SOX9: variants seen among roughly 807,000 people sequenced by gnomAD.
SOX9 encodes the protein SRY-box transcription factor 9, also known as transcription factor SOX-9.
In SOX9, 2 loss-of-function variants were observed where a neutral mutation model predicts 44.8. The observed-to-expected ratio is 0.04, with a 90% CI of 0.02 to 0.14. SOX9 has a LOEUF of 0.14. Among genes scored for constraint, SOX9 ranks in the 10% least tolerant of loss-of-function variants. The probability of loss-of-function intolerance (pLI) is 1.00; values close to 1 mark genes in which losing one functional copy is unlikely to be tolerated. For synonymous variants in SOX9, 381 were observed against 331.8 expected, an observed-to-expected ratio of 1.15 and a Z score of -1.61; for missense variants, 583 against 728.6, an observed-to-expected ratio of 0.80 and a Z score of 2.30.
Position 72,122,890 on chromosome 17 carries a change from C to T in SOX9, c.603C>T (p.Asn201=), listed in dbSNP as rs1195650946. Residue 201 remains asparagine, a synonymous_variant, in exon 2 of 3, where the codon AAC becomes AAT. Transcript: ENST00000245479. ...CGGAGCAGACGCACATCTCCCCCAACGCCATCTTCAAGGCGCTGCAGGCCG... is the reference window on the plus strand; with the variant it reads ...CGGAGCAGACGCACATCTCCCCCAATGCCATCTTCAAGGCGCTGCAGGCCG... ...EATEQTHISP[N]AIFKALQADS... is the part of the protein sequence containing the mutation. 13 of 1,614,066 alleles carry T rather than the reference C, an allele frequency of 8.1e-6. No individual in the cohort carries two copies. In the South Asian group the frequency reaches 1.2e-4, roughly 15 times the overall value.
rs571340416 is a variant in SOX9 at position 72,125,069 on chromosome 17, G to C, written c.*682G>C. The C allele has an allele frequency of 4.4e-6, 1 of 225,736 alleles. No homozygotes were observed. Among genetic ancestry groups the C allele is most frequent in the Non-Finnish European group, 8.8e-6 (1 of 113,240 alleles). 14.0% of individuals were successfully genotyped at this position (225,736 alleles called of 1,614,324 possible). A position where few individuals can be genotyped will look rare whatever the true frequency, so the allele number is the denominator to read the frequency against. On this transcript the variant is annotated 3_prime_UTR_variant, in exon 3 of 3. Transcript: ENST00000245479. The stretch of plus-strand genomic sequence containing the variant: ...GAATTGTGTTATGTGATCAGTTTTG[G>C]GGGTTAACTTTGCTTAATTCCTCAG...
At position 72,121,257 on chromosome 17, in the gene SOX9, G is replaced by A. The variant is rs1908077288; in HGVS notation, c.-135G>A. 1 of 792,178 alleles carries A rather than the reference G, an allele frequency of 1.3e-6. No individual in the cohort carries two copies. The highest frequency in any genetic ancestry group is 2.0e-6 in the Non-Finnish European group (1 of 493,418). 49.1% of individuals were successfully genotyped at this position (792,178 alleles called of 1,614,324 possible). On this transcript the variant is annotated 5_prime_UTR_variant, in exon 1 of 3. Transcript: ENST00000245479. The surrounding 1 kb of genome is among the most constrained non-coding windows in gnomAD (Gnocchi z 8.3). ...TAAGTGCTCGCCGCGGTAGCCGGCC[G>A]ACGCGCCAGCTTCCCCGGGAGCCGC...
rs1057518216 is a variant in SOX9 at position 72,124,037 on chromosome 17, C to T, written c.1180C>T (p.Arg394Ter). Reference sequence around the variant, plus strand: ...GAGCAGCGAGCCGGGCCAGTCCCAGCGAACGCACATCAAGACGGAGCAGCT... The same window carrying T: ...GAGCAGCGAGCCGGGCCAGTCCCAGTGAACGCACATCAAGACGGAGCAGCT... The part of the protein sequence containing the change: ...TLSSEPGQSQ[R>*]THIKTEQLSP... Residue 394 changes from arginine (R) to a stop codon, truncating the protein, a stop_gained, in exon 3 of 3, where the codon CGA (arginine) becomes TGA (stop). Transcript: ENST00000245479. LOFTEE classifies it high-confidence loss of function. The surrounding 1 kb of genome is among the most constrained non-coding windows in gnomAD (Gnocchi z 4.6). 1 of 1,610,394 alleles carries T rather than the reference C, an allele frequency of 6.2e-7. No homozygotes were observed. The highest frequency in any genetic ancestry group is 2.2e-5 in the East Asian group (1 of 44,808).
rs1412757423 is a variant in SOX9 at position 72,121,439 on chromosome 17, G to A, written c.48G>A (p.Lys16=). 10 of 1,612,798 alleles carry A rather than the reference G, an allele frequency of 6.2e-6. No individual in the cohort carries two copies. In the Admixed American group the frequency reaches 1.7e-4, roughly 27 times the overall value. Residue 16 remains lysine (K), a synonymous_variant, in exon 1 of 3, where the codon AAG becomes AAA. Coordinates refer to ENST00000245479, the MANE Select transcript of SOX9 (RefSeq NM_000346.4). The surrounding 1 kb of genome is among the most constrained non-coding windows in gnomAD (Gnocchi z 8.3). ...PFMKMTDEQE[K]GLSGAPSPTM... ...TGAAGATGACCGACGAGCAGGAGAA[G>A]GGCCTGTCCGGCGCCCCCAGCCCCA...
In SOX9 at chr17:72,125,999, G is replaced by A. The variant is rs775234899; in HGVS notation, c.*1612G>A. 1 of 232,332 alleles carries A rather than the reference G, an allele frequency of 4.3e-6. No homozygotes were observed. Among genetic ancestry groups the A allele is most frequent in the African/African-American group, 2.2e-5 (1 of 45,236 alleles). 14.4% of individuals were successfully genotyped at this position (232,332 alleles called of 1,614,324 possible). On this transcript the variant is annotated 3_prime_UTR_variant, in exon 3 of 3. Transcript: ENST00000245479. ...CTCTTGGAGTGAGGGAGGCTACCTG[G>A]AGGGGATCAGCCCACTGACAGACCT...
intron 1 of SOX9, among the ~76,000 whole-genome samples, chr17:72,122,318 T>A (rs1178849509): frequency 8.8e-6 from 1 of 113,466 alleles, no homozygotes; most frequent in Non-Finnish European, 1.7e-5. Context: ...GAGTGTATGG[T>A]GGGGGGTGAG....
rs2143256185 is a variant in SOX9 at position 72,124,129 on chromosome 17, C to T, written c.1272C>T (p.Asn424=). The T allele has an allele frequency of 6.2e-7, 1 of 1,613,886 alleles. No individual in the cohort carries two copies. Among genetic ancestry groups the T allele is most frequent in the Non-Finnish European group, 8.5e-7 (1 of 1,180,028 alleles). ...AACAGATCGCCTACAGCCCCTTCAA[C>T]CTCCCACACTACAGCCCCTCCTACC... is the stretch of plus-strand genomic sequence containing the variant. ...SPQQIAYSPF[N]LPHYSPSYPP... The change falls in exon 3 of 3, where the codon AAC becomes AAT. Residue 424 remains asparagine, a synonymous_variant. Coordinates refer to ENST00000245479, the MANE Select transcript of SOX9 (RefSeq NM_000346.4). The surrounding 1 kb of genome is among the most constrained non-coding windows in gnomAD (Gnocchi z 4.6).
In SOX9 at chr17:72,123,446, T is replaced by C; in HGVS notation, c.686-97T>C. 6.4e-7 allele frequency: 1 copy of C among 1,558,500 alleles called. No individual in the cohort carries two copies. The highest frequency in any genetic ancestry group is 2.2e-5 in the East Asian group (1 of 44,584). On this transcript the variant is annotated intron_variant, in intron 2 of 2. Coordinates refer to ENST00000245479, the MANE Select transcript of SOX9 (RefSeq NM_000346.4). The surrounding 1 kb of genome is among the most constrained non-coding windows in gnomAD (Gnocchi z 6.5). ...GCGCGGGTGCGGGCCCTTATTACAC[T>C]TTAGCAGCGAGGGAGGGTCCCCGGA...
rs769269532 is a variant in SOX9 at position 72,124,262 on chromosome 17, A to G, written c.1405A>G (p.Met469Val). ...GTGLYSTFTYMNPAQRPMYTP... is the reference protein window; with the variant it reads ...GTGLYSTFTYVNPAQRPMYTP... Reference sequence around the variant, plus strand: ...CGGCCTCTACTCCACCTTCACCTACATGAACCCCGCTCAGCGCCCCATGTA... The same window carrying G: ...CGGCCTCTACTCCACCTTCACCTACGTGAACCCCGCTCAGCGCCCCATGTA... Residue 469 changes from methionine to valine, a missense_variant, in exon 3 of 3, where the codon ATG (methionine) becomes GTG (valine). Physicochemically the swap from Met to Val is conservative, Grantham distance 21. Around this residue, in one of 7 missense-constraint regions of SOX9, gnomAD observed 349 missense variants for 387.0 expected, o/e 0.90. Transcript: ENST00000245479. This position sits in a 1 kb window ranked among gnomAD's most constrained non-coding sequence, Gnocchi z 4.6. 11 of 1,612,416 alleles carry G rather than the reference A, an allele frequency of 6.8e-6. No homozygotes were observed. The East Asian group carries it at 2.2e-4, about 33-fold the overall frequency.
Position 72,124,869 on chromosome 17 carries a change from G to A in SOX9, c.*482G>A. The A allele has an allele frequency of 3.9e-6, 1 of 254,564 alleles. No homozygotes were observed. Among genetic ancestry groups the A allele is most frequent in the Non-Finnish European group, 7.7e-6 (1 of 129,184 alleles). 15.8% of individuals were successfully genotyped at this position (254,564 alleles called of 1,614,324 possible). A position where few individuals can be genotyped will look rare whatever the true frequency, so the allele number is the denominator to read the frequency against. On this transcript the variant is annotated 3_prime_UTR_variant, in exon 3 of 3. Coordinates refer to ENST00000245479, the MANE Select transcript of SOX9 (RefSeq NM_000346.4). This position sits in a 1 kb window ranked among gnomAD's most constrained non-coding sequence, Gnocchi z 4.6. The stretch of plus-strand genomic sequence containing the variant: ...TGTGTATGATTCATTACCATTTTGA[G>A]GGGATTTATACATATTTTTAGATAA...
In SOX9 at chr17:72,121,173, C is replaced by G; in HGVS notation, c.-219C>G. Reference sequence around the variant, plus strand: ...CTTTTTCCTCCCCTCCTCCTCCTCTCCAATTCGCCTCCCCCCACTTGGAGC... The same window carrying G: ...CTTTTTCCTCCCCTCCTCCTCCTCTGCAATTCGCCTCCCCCCACTTGGAGC... On this transcript the variant is annotated 5_prime_UTR_variant, in exon 1 of 3. Transcript: ENST00000245479. The surrounding 1 kb of genome is among the most constrained non-coding windows in gnomAD (Gnocchi z 8.3). The G allele has an allele frequency of 1.7e-6, 1 of 586,648 alleles. No homozygotes were observed. Among genetic ancestry groups the G allele is most frequent in the South Asian group, 2.0e-5 (1 of 49,172 alleles). The allele number at this position is 586,648 out of a possible 1,614,324, so 36.3% of individuals were successfully genotyped here.
rs1908103127 is a variant in SOX9, at chr17:72,121,814, G to A, written c.423G>A (p.Lys141=). The part of the protein sequence containing the change: ...HNAELSKTLG[K]LWRLLNESEK... ...CCGAGCTCAGCAAGACGCTGGGCAA[G>A]CTCTGGAGGTAGGACCCGGCGGGGG... Residue 141 remains lysine, a synonymous_variant, in exon 1 of 3, where the codon AAG becomes AAA. Transcript: ENST00000245479. The surrounding 1 kb of genome is among the most constrained non-coding windows in gnomAD (Gnocchi z 8.3). 2.5e-6 allele frequency: 4 copies of A among 1,580,186 alleles called. No homozygotes were observed. Among genetic ancestry groups the A allele is most frequent in the South Asian group, 1.2e-5 (1 of 86,686 alleles).
rs762685531 is a variant in SOX9, at chr17:72,122,883, C to T, written c.596C>T (p.Ser199Phe). Residue 199 changes from serine to phenylalanine, a missense_variant, in exon 2 of 3, where the codon TCC becomes TTC. Physicochemically the swap from Ser to Phe is radical, Grantham distance 155. Around this residue, in one of 7 missense-constraint regions of SOX9, gnomAD observed 88 missense variants for 65.5 expected, o/e 1.34. Coordinates refer to ENST00000245479, the MANE Select transcript of SOX9 (RefSeq NM_000346.4). ...AEEATEQTHI[S>F]PNAIFKALQA... Reference sequence around the variant, plus strand: ...GAGGCCACGGAGCAGACGCACATCTCCCCCAACGCCATCTTCAAGGCGCTG... The same window carrying T: ...GAGGCCACGGAGCAGACGCACATCTTCCCCAACGCCATCTTCAAGGCGCTG... The T allele has an allele frequency of 1.2e-6, 2 of 1,614,140 alleles. No homozygotes were observed. The highest frequency in any genetic ancestry group is 1.7e-6 in the Non-Finnish European group (2 of 1,180,006).
rs2143238066 is a variant in SOX9 at position 72,121,574 on chromosome 17, G to A, written c.183G>A (p.Lys61=). The change falls in exon 1 of 3, where the codon AAG becomes AAA. Residue 61 remains lysine, a synonymous_variant. Coordinates refer to ENST00000245479, the MANE Select transcript of SOX9 (RefSeq NM_000346.4). The surrounding 1 kb of genome is among the most constrained non-coding windows in gnomAD (Gnocchi z 8.3). Reference sequence around the variant, plus strand: ...TCCCCAAGGGCGAGCCCGATCTGAAGAAGGAGAGCGAGGAGGACAAGTTCC... The same window carrying A: ...TCCCCAAGGGCGAGCCCGATCTGAAAAAGGAGAGCGAGGAGGACAAGTTCC... The part of the protein sequence containing the change: ...NTFPKGEPDL[K]KESEEDKFPV... 1 of 1,608,318 alleles carries A rather than the reference G, an allele frequency of 6.2e-7. No homozygotes were observed. Among genetic ancestry groups the A allele is most frequent in the Non-Finnish European group, 8.5e-7 (1 of 1,177,720 alleles).
chr17:72,121,443 C>G lies in SOX9; in HGVS notation c.52C>G (p.Leu18Val). Residue 18 changes from leucine to valine, a missense_variant, in exon 1 of 3, where the codon CTG (leucine) becomes GTG (valine). This residue lies in a region of SOX9 where 101 missense variants were observed against 98.6 expected (regional missense o/e 1.02). Transcript: ENST00000245479. This position sits in a 1 kb window ranked among gnomAD's most constrained non-coding sequence, Gnocchi z 8.3. The stretch of plus-strand genomic sequence containing the variant: ...GATGACCGACGAGCAGGAGAAGGGC[C>G]TGTCCGGCGCCCCCAGCCCCACCAT... ...MKMTDEQEKG[L>V]SGAPSPTMSE... The G allele has an allele frequency of 6.2e-7, 1 of 1,612,846 alleles. No homozygotes were observed. Among genetic ancestry groups the G allele is most frequent in the Non-Finnish European group, 8.5e-7 (1 of 1,179,816 alleles).
chr17:72,123,688 G>A lies in SOX9; in HGVS notation c.831G>A (p.Glu277=), dbSNP rs776317419. The change falls in exon 3 of 3, where the codon GAG becomes GAA. Residue 277 remains glutamate (E), a synonymous_variant. Transcript: ENST00000245479. This position sits in a 1 kb window ranked among gnomAD's most constrained non-coding sequence, Gnocchi z 6.5. Reference sequence around the variant, plus strand: ...ACTTCCGCGACGTGGACATCGGCGAGCTGAGCAGCGACGTCATCTCCAACA... The same window carrying A: ...ACTTCCGCGACGTGGACATCGGCGAACTGAGCAGCGACGTCATCTCCAACA... ...PIDFRDVDIG[E]LSSDVISNIE... is the part of the protein sequence containing the mutation. The A allele has an allele frequency of 1.9e-6, 3 of 1,613,952 alleles. No homozygotes were observed. The highest frequency in any genetic ancestry group is 2.5e-6 in the Non-Finnish European group (3 of 1,179,988).
rs1225013679 is a variant in SOX9 at position 72,126,361 on chromosome 17, T to C, written c.*1974T>C. On this transcript the variant is annotated 3_prime_UTR_variant, in exon 3 of 3. Transcript: ENST00000245479. ...TGAAACTTACCTTTCCCTTTTTCTT[T>C]CTCTTTTTTTTTTTTGTATATTATT... 5.2e-6 allele frequency: 1 copy of C among 190,944 alleles called. No individual in the cohort carries two copies. The highest frequency in any genetic ancestry group is 9.7e-6 in the Non-Finnish European group (1 of 102,954). The allele number at this position is 190,944 out of a possible 1,614,324, so 11.8% of individuals were successfully genotyped here.
In SOX9 at chr17:72,121,238, C is replaced by T. The variant is rs1908076072; in HGVS notation, c.-154C>T. 2.9e-6 allele frequency: 2 copies of T among 691,016 alleles called. No individual in the cohort carries two copies. The highest frequency in any genetic ancestry group is 1.8e-5 in the South Asian group (1 of 54,406). The allele number at this position is 691,016 out of a possible 1,614,324, so 42.8% of individuals were successfully genotyped here. ...TGGCCACCCCGCGCCTTCCTAAGTGCTCGCCGCGGTAGCCGGCCGACGCGC... is the reference window on the plus strand; with the variant it reads ...TGGCCACCCCGCGCCTTCCTAAGTGTTCGCCGCGGTAGCCGGCCGACGCGC... On this transcript the variant is annotated 5_prime_UTR_variant, in exon 1 of 3. Coordinates refer to ENST00000245479, the MANE Select transcript of SOX9 (RefSeq NM_000346.4). This position sits in a 1 kb window ranked among gnomAD's most constrained non-coding sequence, Gnocchi z 8.3.
rs1019511862 is a variant in SOX9 at position 72,123,973 on chromosome 17, A to G, written c.1116A>G (p.Ala372=). 3.4e-6 allele frequency: 5 copies of G among 1,480,094 alleles called. No homozygotes were observed. 91.7% of individuals were successfully genotyped at this position (1,480,094 alleles called of 1,614,324 possible). Residue 372 remains alanine, a synonymous_variant, in exon 3 of 3, where the codon GCA becomes GCG. Transcript: ENST00000245479. This position sits in a 1 kb window ranked among gnomAD's most constrained non-coding sequence, Gnocchi z 6.5. ...CGGCGCCCCCACAGCAGCCGGCGGC[A>G]CCCCCGCAGCAGCCACAGGCGCACA... ...PQAAPPQQPA[A]PPQQPQAHTL...
Sources: gnomAD v4.1 joint callset for allele counts (sites outside exome capture counted in the v4.1 genomes callset) on GRCh38, gnomAD v4.1.1 for gene constraint, gnomAD v4.1.1 regional missense constraint, Gnocchi (gnomAD v3.1) non-coding constraint, MANE v1.5 for transcripts, NCBI Gene and HGNC (gene_info 2026-07-23, HGNC 2026-07-21) for gene names.